The following SEC16A variants were observed in gnomAD, a reference collection of about 807,000 sequenced individuals.
SEC16A encodes SEC16 homolog A, endoplasmic reticulum export factor.
A neutral mutation model predicts 221.9 loss-of-function variants in SEC16A; 110 were observed. That is an observed-to-expected ratio of 0.50 (90% CI 0.42 to 0.58). SEC16A has a LOEUF of 0.58. Among genes scored for constraint, SEC16A ranks in the 20% least tolerant of loss-of-function variants. SEC16A has a pLI of 0.00. For synonymous variants in SEC16A, 1,393 were observed against 1,257.7 expected, an observed-to-expected ratio of 1.11 and a Z score of -2.28; for missense variants, 3,165 against 3,097.8, an observed-to-expected ratio of 1.02 and a Z score of -0.52.
Position 136,446,986 on chromosome 9 carries a change from C to T in SEC16A, c.6698-37G>A, listed in dbSNP as rs576271791. The stretch of plus-strand genomic sequence containing the variant: ...AGAGCGAGGAGGCCATCATTCCGTC[C>T]CGAACGTCCCTGGGGTCTCACTGAA... On this transcript the variant is annotated intron_variant, in intron 27 of 31. Transcript: ENST00000684901. 5.0e-6 allele frequency: 8 copies of T among 1,613,108 alleles called. No individual in the cohort carries two copies. In the South Asian group the frequency reaches 7.7e-5, roughly 16 times the overall value.
rs183141757 is a variant in SEC16A, at chr9:136,476,597, C to T, written c.1019G>A (p.Gly340Glu). The T allele has an allele frequency of 2.2e-3, 3,533 of 1,600,720 alleles. 5 individuals are homozygous for T. Among genetic ancestry groups the T allele is most frequent in the Non-Finnish European group, 2.8e-3 (3,314 of 1,171,380 alleles). Residue 340 changes from glycine (G) to glutamate (E), a missense_variant, in exon 3 of 32, where the codon GGA becomes GAA. Around this residue, in one of 3 missense-constraint regions of SEC16A, gnomAD observed 2,030 missense variants for 1,923.1 expected, o/e 1.06. Coordinates refer to ENST00000684901, the MANE Select transcript of SEC16A (RefSeq NM_014866.2). ...GTGCGTACGGTTTTCTGGGCTATCT[C>T]CCCGGGCGAGGGGGTTCACAAGAGC... is the stretch of plus-strand genomic sequence containing the variant. ...ASALVNPLAR[G>E]DSPENRTHHP...
At chr9:136,456,706 T>TGAA (rs1327933966) in intron 18 of SEC16A, among the ~76,000 whole-genome samples, 1 of 152,102 alleles carries the variant, frequency 6.6e-6, no homozygotes, top group South Asian at 2.1e-4. Context: ...TGACAAGAGG[T>TGAA]GAAGATCCTG....
chr9:136,456,159 G>A lies in SEC16A; in HGVS notation c.5558C>T (p.Ser1853Phe), dbSNP rs771293722. The A allele has an allele frequency of 6.2e-7, 1 of 1,611,604 alleles. No homozygotes were observed. The highest frequency in any genetic ancestry group is 1.3e-5 in the African/African-American group (1 of 74,996). Residue 1853 changes from serine to phenylalanine, a missense_variant, in exon 19 of 32, where the codon TCC (serine) becomes TTC (phenylalanine). By Grantham distance (155) the Ser-to-Phe change is radical (BLOSUM62 -2). This residue lies in a region of SEC16A where 1,088 missense variants were observed against 1,089.6 expected (regional missense o/e 1.00). Transcript: ENST00000684901. ...CTGGGGATCGAAGAGTCGTAACTGG[G>A]AAGCCATCTAGACACGGGCAAAAAT... is the stretch of plus-strand genomic sequence containing the variant. ...VLISQLVQMA[S>F]QLRLFDPQLK...
upstream of SEC16A, chr9:136,483,989 T>A: frequency 5.3e-6 from 1 of 186,940 alleles, no homozygotes; most frequent in Non-Finnish European, 1.0e-5. Context: ...CCCTTCGCTC[T>A]GCACAGAGGC....
upstream of SEC16A, chr9:136,483,124 G>C (rs1589043022): frequency 1.6e-6 from 1 of 623,100 alleles, no homozygotes; most frequent in African/African-American, 2.2e-5. Flanking sequence ...CCCGCCCCTC[G>C]GCTCGTCGGC....
Position 136,459,373 on chromosome 9 carries a change from C to T in SEC16A, c.5303+71G>A. On this transcript the variant is annotated intron_variant, in intron 16 of 31. Transcript: ENST00000684901. The surrounding 1 kb of genome is among the most constrained non-coding windows in gnomAD (Gnocchi z 6.1). ...ACATGATTCTGGCCATTTCTGAATT[C>T]ACTAAAGGAGAAGGATTTTGTTTTA... 1 of 1,419,020 alleles carries T rather than the reference C, an allele frequency of 7.0e-7. No homozygotes were observed. The highest frequency in any genetic ancestry group is 9.7e-7 in the Non-Finnish European group (1 of 1,026,098). 87.9% of individuals were successfully genotyped at this position (1,419,020 alleles called of 1,614,324 possible).
In SEC16A at chr9:136,476,039, C is replaced by G. The variant is rs760902142; in HGVS notation, c.1577G>C (p.Ser526Thr). The G allele has an allele frequency of 1.9e-6, 3 of 1,613,576 alleles. No individual in the cohort carries two copies. Among genetic ancestry groups the G allele is most frequent in the Non-Finnish European group, 2.5e-6 (3 of 1,179,884 alleles). Residue 526 changes from serine to threonine, a missense_variant, in exon 3 of 32, where the codon AGC becomes ACC. By Grantham distance (58) the Ser-to-Thr change is moderately conservative. Transcript: ENST00000684901. ...VHPDSVSSSY[S>T]SRSHGRLSGS... ...TGAGAGCCTTCCGTGGCTTCTGCTG[C>G]TATAGCTGGATGACACGCTGTCAGG...
At chr9:136,483,819 A>T, upstream of SEC16A, 1 of 984,426 alleles carries the variant, frequency 1.0e-6, no homozygotes, top group Non-Finnish European at 1.2e-6. Flanking sequence ...ATGCGCCGGG[A>T]GCGGCCGGAG....
Position 136,459,110 on chromosome 9 carries a change from T to C in SEC16A, c.5409+24A>G, listed in dbSNP as rs1462743146. 6.4e-7 allele frequency: 1 copy of C among 1,564,008 alleles called. No homozygotes were observed. The highest frequency in any genetic ancestry group is 1.1e-5 in the South Asian group (1 of 88,336). ...TGAGTGCCTGCCCAGCCATGACAGC[T>C]GCAGGCTGGCAGCACCTGCTTACCT... On this transcript the variant is annotated intron_variant, in intron 17 of 31. Coordinates refer to ENST00000684901, the MANE Select transcript of SEC16A (RefSeq NM_014866.2). This position sits in a 1 kb window ranked among gnomAD's most constrained non-coding sequence, Gnocchi z 6.1.
Position 136,476,227 on chromosome 9 carries a change from T to C in SEC16A, c.1389A>G (p.Glu463=). 1.2e-6 allele frequency: 2 copies of C among 1,613,666 alleles called. No individual in the cohort carries two copies. Among genetic ancestry groups the C allele is most frequent in the Non-Finnish European group, 1.7e-6 (2 of 1,179,878 alleles). Residue 463 remains glutamate (E), a synonymous_variant, in exon 3 of 32, where the codon GAA becomes GAG. Coordinates refer to ENST00000684901, the MANE Select transcript of SEC16A (RefSeq NM_014866.2). Reference sequence around the variant, plus strand: ...GCAGAACTTCTTGATTCTGAACAAATTCTAAGTTCTCAACATTCTCATACT... The same window carrying C: ...GCAGAACTTCTTGATTCTGAACAAACTCTAAGTTCTCAACATTCTCATACT... The part of the protein sequence containing the change: ...GSQYENVENL[E]FVQNQEVLPS...
intron 4 of SEC16A, 88 bp from the exon 5 acceptor site, chr9:136,468,600 G>A (rs901671959): frequency 1.1e-5 from 9 of 820,978 alleles, no homozygotes; most frequent in South Asian, 6.2e-5. Flanking sequence ...CCAAAGCAAT[G>A]GGCATTCATC....
Position 136,447,114 on chromosome 9 carries a change from A to C in SEC16A, c.6697+113T>G. The C allele has an allele frequency of 6.6e-7, 1 of 1,513,312 alleles. No homozygotes were observed. Among genetic ancestry groups the C allele is most frequent in the Middle Eastern group, 1.7e-4 (1 of 5,752 alleles). The allele number at this position is 1,513,312 out of a possible 1,614,324, so 93.7% of individuals were successfully genotyped here. A position where few individuals can be genotyped will look rare whatever the true frequency, so the allele number is the denominator to read the frequency against. ...CACAAACCAACCCCAGGCTCTCTGCATGCTGGCCAGGTCATTCTTTTAACG... is the reference window on the plus strand; with the variant it reads ...CACAAACCAACCCCAGGCTCTCTGCCTGCTGGCCAGGTCATTCTTTTAACG... On this transcript the variant is annotated intron_variant, in intron 27 of 31. Transcript: ENST00000684901. This position sits in a 1 kb window ranked among gnomAD's most constrained non-coding sequence, Gnocchi z 5.5.
At chr9:136,484,369 G>T, upstream of SEC16A, 1 of 1,168,722 alleles carries the variant, frequency 8.6e-7, no homozygotes, top group Admixed American at 4.0e-5. Flanking sequence ...AGATCGCAGG[G>T]AACAGGTGGG....
chr9:136,468,502 G>A lies in SEC16A; in HGVS notation c.3715C>T (p.Pro1239Ser). Residue 1239 changes from proline to serine, a missense_variant, in exon 5 of 32, where the codon CCT becomes TCT. Physicochemically the swap from Pro to Ser is moderately conservative, Grantham distance 74. This residue lies in a region of SEC16A where 2,030 missense variants were observed against 1,923.1 expected (regional missense o/e 1.06). Coordinates refer to ENST00000684901, the MANE Select transcript of SEC16A (RefSeq NM_014866.2). ...CTTTTGGAACTATAGTATCCTTCAG[G>A]ATATCCTTGCCTGAAAAAACACACA... ...SERPPPRQGY[P>S]EGYYSSKSGW... The A allele has an allele frequency of 1.2e-6, 2 of 1,609,038 alleles. No homozygotes were observed. The highest frequency in any genetic ancestry group is 2.2e-5 in the East Asian group (1 of 44,820).
At chr9:136,461,123 G>A (rs1839420010) in intron 13 of SEC16A, 54 bp downstream of exon 13, 9 of 1,415,720 alleles carry the variant, frequency 6.4e-6, no homozygotes, top group Non-Finnish European at 8.8e-6. Flanking sequence ...GACGCCGCGT[G>A]CTACAGGGAG....
At position 136,441,345 on chromosome 9, in the gene SEC16A, A is replaced by G. The variant is rs1836164982; in HGVS notation, c.*410T>C. 4.1e-6 allele frequency: 1 copy of G among 245,120 alleles called. No individual in the cohort carries two copies. Among genetic ancestry groups the G allele is most frequent in the Non-Finnish European group, 8.3e-6 (1 of 120,002 alleles). 15.2% of individuals were successfully genotyped at this position (245,120 alleles called of 1,614,324 possible). A position where few individuals can be genotyped will look rare whatever the true frequency, so the allele number is the denominator to read the frequency against. ...GCACCTTAAAGGAAGCGCGGGACTC[A>G]CTGGGCAGTGACTCACAGCTGGGCT... is the stretch of plus-strand genomic sequence containing the variant. On this transcript the variant is annotated 3_prime_UTR_variant, in exon 32 of 32. Transcript: ENST00000684901.
intron 22 of SEC16A, among the ~76,000 whole-genome samples, chr9:136,452,108 TC>T (rs1449276913): frequency 3.3e-5 from 5 of 152,076 alleles, no homozygotes; most frequent in Non-Finnish European, 5.9e-5. Flanking sequence ...TTCCAGGACA[TC>T]CTCTTGTGAG....
rs969701409 is a variant in SEC16A, at chr9:136,446,798, G to C, written c.6792+57C>G. 9 of 1,523,776 alleles carry C rather than the reference G, an allele frequency of 5.9e-6. No homozygotes were observed. In the South Asian group the frequency reaches 1.1e-4, roughly 19 times the overall value. 94.4% of individuals were successfully genotyped at this position (1,523,776 alleles called of 1,614,324 possible). Reference sequence around the variant, plus strand: ...CAGAAGGCAAGGCCCTGTCTGGCAGGATGGGGAGGTGCCTCCTCACTGGGT... The same window carrying C: ...CAGAAGGCAAGGCCCTGTCTGGCAGCATGGGGAGGTGCCTCCTCACTGGGT... On this transcript the variant is annotated intron_variant, in intron 28 of 31. Transcript: ENST00000684901.
rs888908290 is a variant in SEC16A, at chr9:136,474,164, G to A, written c.3452C>T (p.Pro1151Leu). 5.0e-6 allele frequency: 8 copies of A among 1,613,224 alleles called. No homozygotes were observed. The highest frequency in any genetic ancestry group is 1.7e-5 in the Admixed American group (1 of 60,018). ...PQPVPALAPG[P>L]PPQDLAAYYY... ...GTAGGCGGCCAGGTCCTGAGGCGGT[G>A]GGCCGGGGGCAAGTGCAGGCACTGG... The change falls in exon 3 of 32, where the codon CCA becomes CTA. Residue 1151 changes from proline to leucine, a missense_variant. Coordinates refer to ENST00000684901, the MANE Select transcript of SEC16A (RefSeq NM_014866.2).
Sources: gnomAD v4.1 joint callset for allele counts (sites outside exome capture counted in the v4.1 genomes callset) on GRCh38, gnomAD v4.1.1 for gene constraint, gnomAD v4.1.1 regional missense constraint, Gnocchi (gnomAD v3.1) non-coding constraint, MANE v1.5 for transcripts, NCBI Gene and HGNC (gene_info 2026-07-23, HGNC 2026-07-21) for gene names.